The following ARHGAP39 variants were observed in gnomAD, a reference collection of about 807,000 sequenced individuals.
ARHGAP39 encodes the protein Rho GTPase activating protein 39.
A neutral mutation model predicts 106.9 loss-of-function variants in ARHGAP39; 44 were observed. The observed-to-expected ratio is 0.41, with a 90% CI of 0.32 to 0.53. The LOEUF (loss-of-function observed/expected upper bound fraction) is 0.53. Ranked by LOEUF, ARHGAP39 falls within the 20% of genes least tolerant of loss-of-function variation. The pLI is 0.21. For synonymous variants in ARHGAP39, 768 were observed against 693.2 expected, an observed-to-expected ratio of 1.11 and a Z score of -1.69; for missense variants, 1,496 against 1,577.3, an observed-to-expected ratio of 0.95 and a Z score of 0.87.
intron 3 of ARHGAP39, among the ~76,000 whole-genome samples, chr8:144,580,481 A>T (rs562951969): frequency 6.6e-6 from 1 of 152,162 alleles, no homozygotes; most frequent in Non-Finnish European, 1.5e-5. Context: ...GAGAGACAAG[A>T]AAGTGCTCAC....
chr8:144,564,007 C>T (rs1169206665), intron 3 of ARHGAP39, among the ~76,000 whole-genome samples: 1 of 152,130 alleles, frequency 6.6e-6, no homozygotes, highest in African/African-American at 2.4e-5. Flanking sequence ...ATCTACTTCC[C>T]ATGGTGTCTA....
intron 1 of ARHGAP39, among the ~76,000 whole-genome samples, chr8:144,628,752 T>C (rs1328681495): frequency 6.6e-6 from 1 of 152,180 alleles, no homozygotes; most frequent in African/African-American, 2.4e-5. Context: ...CTGAATTCCT[T>C]GTGTCTGTCC....
At chr8:144,680,828 G>C (rs1242137423) in intron 1 of ARHGAP39, among the ~76,000 whole-genome samples, 1 of 152,136 alleles carries the variant, frequency 6.6e-6, no homozygotes, top group Non-Finnish European at 1.5e-5. Flanking sequence ...CTATGTCAAA[G>C]ACTGGTACGA....
chr8:144,670,891 C>T lies in ARHGAP39; in HGVS notation c.-82+14795G>A, dbSNP rs149152779. 3.3e-4 allele frequency among the ~76,000 whole-genome samples: 50 copies of T among 152,350 alleles called. 1 individual carries two copies. Among genetic ancestry groups the T allele is most frequent in the African/African-American group, 1.1e-3 (47 of 41,576 alleles). ...GCCAGCCCCGAGCACCACTGACCGG[C>T]ACTCAGTTATCCATGGAATGGATGA... On this transcript the variant is annotated intron_variant, in intron 1 of 11. Coordinates refer to ENST00000377307, the MANE Select transcript of ARHGAP39 (RefSeq NM_025251.3). This position sits in a 1 kb window ranked among gnomAD's most constrained non-coding sequence, Gnocchi z 4.4.
intron 3 of ARHGAP39, among the ~76,000 whole-genome samples, chr8:144,576,390 TG>T (rs1397685871): frequency 4.8e-5 from 7 of 146,630 alleles, no homozygotes; most frequent in Non-Finnish European, 1.0e-4. Context: ...GAGCTTCTCA[TG>T]GAAGTCCTGG....
At chr8:144,539,882 T>C (rs1016310983) in intron 6 of ARHGAP39, among the ~76,000 whole-genome samples, 2 of 152,212 alleles carry the variant, frequency 1.3e-5, no homozygotes, top group Admixed American at 6.5e-5. Flanking sequence ...AGGTCCTTTG[T>C]AGTTCCTATG....
chr8:144,593,487 C>T (rs1214867366), intron 2 of ARHGAP39, among the ~76,000 whole-genome samples: 5 of 152,114 alleles, frequency 3.3e-5, no homozygotes, highest in Middle Eastern at 3.2e-3. Flanking sequence ...TTAGAATAGA[C>T]GGGGCGGCTC....
At position 144,529,207 on chromosome 8, in the gene ARHGAP39, T is replaced by G; in HGVS notation, c.*1215A>C. The G allele has an allele frequency of 3.3e-6, 1 of 303,338 alleles. No individual in the cohort carries two copies. Among genetic ancestry groups the G allele is most frequent in the Non-Finnish European group, 6.0e-6 (1 of 165,754 alleles). 18.8% of individuals were successfully genotyped at this position (303,338 alleles called of 1,614,324 possible). A position where few individuals can be genotyped will look rare whatever the true frequency, so the allele number is the denominator to read the frequency against. On this transcript the variant is annotated 3_prime_UTR_variant, in exon 12 of 12. Coordinates refer to ENST00000377307, the MANE Select transcript of ARHGAP39 (RefSeq NM_025251.3). ...GGTCCATGTGCACTTTATTCACTCGTGTCGTCGCCTCTCGGGTCCATGCGT... is the reference window on the plus strand; with the variant it reads ...GGTCCATGTGCACTTTATTCACTCGGGTCGTCGCCTCTCGGGTCCATGCGT...
At chr8:144,687,932 C>G (rs1485051496), upstream of ARHGAP39, among the ~76,000 whole-genome samples, 1 of 141,984 alleles carries the variant, frequency 7.0e-6, no homozygotes, top group Admixed American at 6.9e-5. Context: ...TGAGCACTTC[C>G]CACCCCGTGA....
Position 144,561,628 on chromosome 8 carries a change from C to CCCAGTGGTTTCCATCGCGCT in ARHGAP39, c.513-6005_513-5986dup, listed in dbSNP as rs1190258425. Among the ~76,000 whole-genome samples, 448 of 57,060 alleles carry CCCAGTGGTTTCCATCGCGCT rather than the reference C, an allele frequency of 7.9e-3. 22 individuals are homozygous for CCCAGTGGTTTCCATCGCGCT. Among genetic ancestry groups the CCCAGTGGTTTCCATCGCGCT allele is most frequent in the African/African-American group, 0.027 (424 of 15,812 alleles). The allele number at this position is 57,060 out of a possible 152,430, so 37.4% of individuals were successfully genotyped here. A position where few individuals can be genotyped will look rare whatever the true frequency, so the allele number is the denominator to read the frequency against. ...CGCGCTCCAGTGGTTTCCATCGGAC[C>CCCAGTGGTTTCCATCGCGCT]CCAGTGGTTTCCATCGCGCTCCAGT... On this transcript the variant is annotated intron_variant, in intron 3 of 11. Coordinates refer to ENST00000377307, the MANE Select transcript of ARHGAP39 (RefSeq NM_025251.3).
chr8:144,668,738 T>C (rs906857876), intron 1 of ARHGAP39, among the ~76,000 whole-genome samples: 1 of 152,116 alleles, frequency 6.6e-6, no homozygotes, highest in African/African-American at 2.4e-5. Flanking sequence ...CACTCCACAC[T>C]GATCAACAGA....
chr8:144,655,384 G>A (rs1487379894), intron 1 of ARHGAP39, among the ~76,000 whole-genome samples: 1 of 152,144 alleles, frequency 6.6e-6, no homozygotes, highest in Non-Finnish European at 1.5e-5. Flanking sequence ...GAAAGCTTCA[G>A]AGACCTGCAG....
At chr8:144,678,543 G>T (rs531770747) in intron 1 of ARHGAP39, among the ~76,000 whole-genome samples, 1 of 152,332 alleles carries the variant, frequency 6.6e-6, no homozygotes, top group African/African-American at 2.4e-5. Flanking sequence ...CCACATGGCA[G>T]TTTTTCTGGA....
intron 3 of ARHGAP39, among the ~76,000 whole-genome samples, chr8:144,557,564 A>C (rs988236658): frequency 1.3e-5 from 2 of 149,552 alleles, no homozygotes; most frequent in Non-Finnish European, 3.0e-5. Flanking sequence ...GAACCTTCAT[A>C]GTATTCAGCG....
rs1227499473 is a variant in ARHGAP39 at position 144,685,738 on chromosome 8, G to A, written c.-134C>T. 1.4e-5 allele frequency among the ~76,000 whole-genome samples: 2 copies of A among 147,458 alleles called. No individual in the cohort carries two copies. The highest frequency in any genetic ancestry group is 1.3e-4 in the Admixed American group (2 of 14,890). ...CACAGTCCCTCATCCCGGCCCGCGC[G>A]ACGCGCGTGAGCCAGCCGCCGCTCC... On this transcript the variant is annotated 5_prime_UTR_variant, in exon 1 of 12. Transcript: ENST00000377307.
At chr8:144,531,248 AGC>A (rs1816709416) in intron 10 of ARHGAP39, among the ~76,000 whole-genome samples, 3 of 110,980 alleles carry the variant, frequency 2.7e-5, no homozygotes, top group Non-Finnish European at 3.8e-5. Flanking sequence ...GGCACAGGGC[AGC>A]GAGCAGCAGG....
chr8:144,599,135 C>A (rs924796130), intron 2 of ARHGAP39, among the ~76,000 whole-genome samples: 2 of 152,226 alleles, frequency 1.3e-5, no homozygotes, highest in African/African-American at 4.8e-5. Context: ...AAGGACAGCA[C>A]ATCCAAAGGC....
At chr8:144,533,598 G>A (rs541134329) in intron 8 of ARHGAP39, among the ~76,000 whole-genome samples, 10 of 152,276 alleles carry the variant, frequency 6.6e-5, no homozygotes, top group African/African-American at 2.2e-4. Flanking sequence ...CTAGAGCTAC[G>A]GACAAGCCCA....
chr8:144,640,030 AC>A (rs1230362831), intron 1 of ARHGAP39, among the ~76,000 whole-genome samples: 5 of 152,314 alleles, frequency 3.3e-5, no homozygotes, highest in Admixed American at 2.0e-4. Context: ...GGATGCAAGA[AC>A]TACCCTTGCT....
Sources: gnomAD v4.1 joint callset for allele counts (sites outside exome capture counted in the v4.1 genomes callset) on GRCh38, gnomAD v4.1.1 for gene constraint, Gnocchi (gnomAD v3.1) non-coding constraint, MANE v1.5 for transcripts, NCBI Gene and HGNC (gene_info 2026-07-23, HGNC 2026-07-21) for gene names.